The following CIT variants were observed in gnomAD, a reference collection of about 807,000 sequenced individuals.
CIT encodes the protein citron rho-interacting serine/threonine kinase.
CIT carries 79 observed loss-of-function variants against 272.7 expected under a neutral mutation model. The ratio of observed to expected loss-of-function variants is 0.29; its 90% CI spans 0.24 to 0.35. CIT has a LOEUF of 0.35. Among genes scored for constraint, CIT ranks in the 10% least tolerant of loss-of-function variants. The probability of loss-of-function intolerance (pLI) is 1.00; values close to 1 mark genes in which losing one functional copy is unlikely to be tolerated. For synonymous variants in CIT, 948 were observed against 995.6 expected, an observed-to-expected ratio of 0.95 and a Z score of 0.90; for missense variants, 1,909 against 2,618.3, an observed-to-expected ratio of 0.73 and a Z score of 5.91.
At chr12:119,874,796 G>A (rs1950790696) in intron 2 of CIT, among the ~76,000 whole-genome samples, 1 of 151,074 alleles carries the variant, frequency 6.6e-6, no homozygotes, top group Admixed American at 6.6e-5. Flanking sequence ...TGAGGCAGGA[G>A]AATGGCGTGA....
At chr12:119,810,706 G>GAAAAAAAAAAAAAAAAAAAAAAAAAAAA in intron 9 of CIT, among the ~76,000 whole-genome samples, 1 of 100,236 alleles carries the variant, frequency 1.0e-5, no homozygotes, top group Admixed American at 1.1e-4. Flanking sequence ...CATCATCTCA[G>GAAAAAAAAAAAAAAAAAAAAAAAAAAAA]AAAAAAAAAA....
intron 9 of CIT, among the ~76,000 whole-genome samples, chr12:119,808,040 T>C (rs1966708908): frequency 1.3e-5 from 2 of 152,214 alleles, no homozygotes; most frequent in African/African-American, 4.8e-5. Context: ...TTGTTTTTGT[T>C]TTTGTTTCAG....
Position 119,710,352 on chromosome 12 carries a change from G to A in CIT, c.4970C>T (p.Ala1657Val). The change falls in exon 39 of 48, where the codon GCC (alanine) becomes GTC (valine). Residue 1657 changes from alanine to valine, a missense_variant. Physicochemically the swap from Ala to Val is moderately conservative, Grantham distance 64. Transcript: ENST00000392521. This position sits in a 1 kb window ranked among gnomAD's most constrained non-coding sequence, Gnocchi z 5.6. ...VLVGTEEGLYALNVLKNSLTH... is the reference protein window; with the variant it reads ...VLVGTEEGLYVLNVLKNSLTH... ...TAGGGAGTTTTTCAAGACATTCAGG[G>A]CGTAGAGCCCTTCCTCGGTGCCCAC... 6.2e-7 allele frequency: 1 copy of A among 1,614,180 alleles called. No homozygotes were observed. The highest frequency in any genetic ancestry group is 8.5e-7 in the Non-Finnish European group (1 of 1,180,046).
intron 2 of CIT, among the ~76,000 whole-genome samples, chr12:119,872,111 A>G (rs972164256): frequency 5.9e-5 from 9 of 152,224 alleles, no homozygotes; most frequent in African/African-American, 2.2e-4. Context: ...AAATGTATTC[A>G]AATTTAAAAA....
chr12:119,812,581 A>T (rs1966859079), intron 9 of CIT, among the ~76,000 whole-genome samples: 1 of 152,002 alleles, frequency 6.6e-6, no homozygotes, highest in Admixed American at 6.6e-5. Context: ...CTGGGATTAC[A>T]GGTGCACACC....
At chr12:119,719,111 T>A in intron 30 of CIT, 1 of 447,026 alleles carries the variant, frequency 2.2e-6, no homozygotes, top group Non-Finnish European at 4.1e-6. Context: ...GGCCACCACC[T>A]CTTCCTCTAG....
At position 119,803,144 on chromosome 12, in the gene CIT, C is replaced by T. The variant is rs865787561; in HGVS notation, c.1295+62G>A. The T allele has an allele frequency of 4.8e-5, 35 of 725,086 alleles. No homozygotes were observed. In the African/African-American group the frequency reaches 5.6e-4, roughly 12 times the overall value. The allele number at this position is 725,086 out of a possible 1,614,324, so 44.9% of individuals were successfully genotyped here. On this transcript the variant is annotated intron_variant, in intron 10 of 47. Transcript: ENST00000392521. ...CTATTCCCCCACCCCCCCACCACCA[C>T]CTTTGGCTCCAAAAGCCTTGCATCA...
chr12:119,735,313 G>C lies in CIT; in HGVS notation c.3003C>G (p.Asp1001Glu). 1.2e-6 allele frequency: 2 copies of C among 1,614,152 alleles called. No homozygotes were observed. The highest frequency in any genetic ancestry group is 1.7e-6 in the Non-Finnish European group (2 of 1,180,032). ...AGTTTTGGTTGTTGAGTTCAGCGTTGTCCTCGGTCAGCTGGTTTAGCTGCT... is the reference window on the plus strand; with the variant it reads ...AGTTTTGGTTGTTGAGTTCAGCGTTCTCCTCGGTCAGCTGGTTTAGCTGCT... Reference protein sequence around the residue: ...LEEQLNQLTEDNAELNNQNFY... With the variant: ...LEEQLNQLTEENAELNNQNFY... Residue 1001 changes from aspartate to glutamate, a missense_variant, in exon 25 of 48, where the codon GAC becomes GAG. Physicochemically the swap from Asp to Glu is conservative, Grantham distance 45. Around this residue, in one of 8 missense-constraint regions of CIT, gnomAD observed 530 missense variants for 822.4 expected, o/e 0.64. Coordinates refer to ENST00000392521, the MANE Select transcript of CIT (RefSeq NM_001206999.2).
intron 28 of CIT, among the ~76,000 whole-genome samples, chr12:119,726,303 C>G (rs1958099413): frequency 6.6e-6 from 1 of 150,914 alleles, no homozygotes; most frequent in African/African-American, 2.4e-5. Context: ...AATGCAGCCT[C>G]AAACACCTGC....
At chr12:119,781,718 C>A (rs549160061) in intron 13 of CIT, among the ~76,000 whole-genome samples, 26 of 152,036 alleles carry the variant, frequency 1.7e-4, no homozygotes, top group African/African-American at 6.3e-4. Flanking sequence ...TTTCTGAAAA[C>A]ACAGGGGACA....
intron 13 of CIT, 127 bp from the exon 14 acceptor site, chr12:119,776,969 A>T: frequency 9.3e-7 from 1 of 1,071,806 alleles, no homozygotes; most frequent in Non-Finnish European, 1.4e-6. Flanking sequence ...CAAAGAAAAG[A>T]CCTGGCCAGG....
intron 39 of CIT, 65 bp from the exon 40 acceptor site, chr12:119,708,383 G>A: frequency 7.3e-7 from 1 of 1,378,264 alleles, no homozygotes; most frequent in South Asian, 2.0e-5. Context: ...CGGGATGGTG[G>A]TTCTAGTTCT....
intron 3 of CIT, among the ~76,000 whole-genome samples, chr12:119,863,944 C>A (rs1950442487): frequency 6.6e-6 from 1 of 152,110 alleles, no homozygotes; most frequent in African/African-American, 2.4e-5. Context: ...GGAGCCATCA[C>A]CAGATACCAG....
At position 119,706,484 on chromosome 12, in the gene CIT, T is replaced by C. The variant is rs545296437; in HGVS notation, c.5211+1695A>G. Among the ~76,000 whole-genome samples the C allele has an allele frequency of 2.6e-5, 4 of 152,120 alleles. No homozygotes were observed. In the South Asian group the frequency reaches 8.3e-4, roughly 32 times the overall value. On this transcript the variant is annotated intron_variant, in intron 40 of 47. Transcript: ENST00000392521. ...GCCCCAGTGTGTGTGTTCCCCTCTA[T>C]GTGTCCATGTGTTCTCATCATTCAG...
chr12:119,811,753 A>G (rs1200904581), intron 9 of CIT, among the ~76,000 whole-genome samples: 1 of 152,176 alleles, frequency 6.6e-6, no homozygotes, highest in Non-Finnish European at 1.5e-5. Context: ...AGACTTCTTA[A>G]CATTTTAGCT....
Position 119,853,702 on chromosome 12 carries a change from C to A in CIT, c.415-3427G>T, listed in dbSNP as rs114151550. ...ACACATTTGGGAAACACCAACATAACCCCAATAATTTACTGCACCTGATAT... is the reference window on the plus strand; with the variant it reads ...ACACATTTGGGAAACACCAACATAAACCCAATAATTTACTGCACCTGATAT... On this transcript the variant is annotated intron_variant, in intron 4 of 47. Transcript: ENST00000392521. Among the ~76,000 whole-genome samples, 666 of 152,208 alleles carry A rather than the reference C, an allele frequency of 4.4e-3. 8 individuals are homozygous for A. Among genetic ancestry groups the A allele is most frequent in the African/African-American group, 0.015 (640 of 41,512 alleles).
At chr12:119,830,523 T>C (rs371924679) in intron 7 of CIT, among the ~76,000 whole-genome samples, 7 of 152,206 alleles carry the variant, frequency 4.6e-5, no homozygotes, top group African/African-American at 1.7e-4. Context: ...GTTTTCTTAC[T>C]GCAAACACAT....
chr12:119,822,203 A>G (rs139285718), intron 9 of CIT, among the ~76,000 whole-genome samples: 19 of 152,384 alleles, frequency 1.2e-4, no homozygotes, highest in African/African-American at 4.3e-4. Flanking sequence ...AACTGGTAAA[A>G]GAAAAAAGAG....
intron 6 of CIT, among the ~76,000 whole-genome samples, chr12:119,833,596 C>T (rs544475816): frequency 1.2e-4 from 17 of 138,532 alleles, no homozygotes; most frequent in African/African-American, 3.6e-4. Flanking sequence ...ACCCAGCAGG[C>T]GGAGGTTGCC....
Sources: allele counts gnomAD v4.1 joint callset (sites outside exome capture counted in the v4.1 genomes callset), GRCh38; gene constraint gnomAD v4.1.1; regional missense constraint gnomAD v4.1.1; non-coding constraint Gnocchi (gnomAD v3.1); transcripts MANE v1.5; gene names NCBI Gene and HGNC (gene_info 2026-07-23, HGNC 2026-07-21).